The following CPPED1 variants were observed in gnomAD, a reference collection of about 807,000 sequenced individuals.
CPPED1 encodes calcineurin like phosphoesterase domain containing 1.
CPPED1 carries 28 observed loss-of-function variants against 28.0 expected under a neutral mutation model. The ratio of observed to expected loss-of-function variants is 1.00; its 90% CI spans 0.74 to 1.37. The LOEUF (loss-of-function observed/expected upper bound fraction) is 1.37, where lower values mean the gene tolerates loss of function less well. CPPED1 is among the 40% of genes most tolerant of loss of function. The pLI, the probability that CPPED1 is intolerant of heterozygous loss-of-function variation, is 0.00. For missense variants in CPPED1, 504 were observed against 416.5 expected (o/e 1.21, Z -1.83); for synonymous variants, 198 against 180.2 (o/e 1.10, Z -0.79).
chr16:12,792,640 T>C (rs888709606), intron 1 of CPPED1, among the ~76,000 whole-genome samples: 1 of 152,170 alleles, frequency 6.6e-6, no homozygotes, highest in Non-Finnish European at 1.5e-5. Context: ...CCACATGTCA[T>C]GGGAAGGACC....
At chr16:12,801,776 T>G (rs2080661259) in intron 1 of CPPED1, among the ~76,000 whole-genome samples, 1 of 151,984 alleles carries the variant, frequency 6.6e-6, no homozygotes. Flanking sequence ...TTAAAAAGGG[T>G]TTAAAAAGGG....
intron 2 of CPPED1, among the ~76,000 whole-genome samples, chr16:12,756,028 G>A (rs552024002): frequency 3.9e-5 from 6 of 152,220 alleles, no homozygotes; most frequent in Admixed American, 3.3e-4. Flanking sequence ...CTACTCGGGA[G>A]GCTGAGGCAG....
At chr16:12,751,307 A>G (rs2080327027) in intron 2 of CPPED1, among the ~76,000 whole-genome samples, 1 of 152,224 alleles carries the variant, frequency 6.6e-6, no homozygotes, top group Non-Finnish European at 1.5e-5. Flanking sequence ...TACTCCAGTA[A>G]ACACACAAAT....
At chr16:12,705,523 C>T (rs1359079133) in intron 2 of CPPED1, among the ~76,000 whole-genome samples, 6 of 152,074 alleles carry the variant, frequency 3.9e-5, no homozygotes, top group South Asian at 2.1e-4. Flanking sequence ...TTAGGGAGGC[C>T]GAGGCACGTG....
chr16:12,760,047 G>A (rs1303096580), intron 2 of CPPED1, among the ~76,000 whole-genome samples: 1 of 152,200 alleles, frequency 6.6e-6, no homozygotes, highest in African/African-American at 2.4e-5. Flanking sequence ...TTCCACGTCT[G>A]TGGATTCAAC....
chr16:12,688,131 G>C (rs11646236), intron 3 of CPPED1, among the ~76,000 whole-genome samples: 1 of 151,392 alleles, frequency 6.6e-6, no homozygotes, highest in African/African-American at 2.4e-5. Context: ...CCCAGGCTCA[G>C]GTGGTTCTCC....
intron 1 of CPPED1, among the ~76,000 whole-genome samples, chr16:12,782,954 T>A (rs748710014): frequency 2.6e-5 from 4 of 152,210 alleles, no homozygotes; most frequent in Non-Finnish European, 5.9e-5. Flanking sequence ...GATGCTGTAA[T>A]TTCCAAAAAG....
At chr16:12,742,160 T>C (rs528081344) in intron 2 of CPPED1, among the ~76,000 whole-genome samples, 3 of 152,308 alleles carry the variant, frequency 2.0e-5, no homozygotes, top group Admixed American at 6.5e-5. Context: ...GAAATGACCA[T>C]GATACTCAGA....
chr16:12,789,796 G>C (rs1056291499), intron 1 of CPPED1, among the ~76,000 whole-genome samples: 1 of 152,132 alleles, frequency 6.6e-6, no homozygotes, highest in Non-Finnish European at 1.5e-5. Context: ...CAAGGTGCTA[G>C]GATTACAGCC....
At chr16:12,669,871 G>C (rs1204904271) in intron 3 of CPPED1, among the ~76,000 whole-genome samples, 3 of 152,174 alleles carry the variant, frequency 2.0e-5, no homozygotes, top group African/African-American at 7.2e-5. Flanking sequence ...GTGGTGCTCA[G>C]AAACAAAAAC....
chr16:12,773,863 C>A lies in CPPED1; in HGVS notation c.289+7322G>T, dbSNP rs546347574. On this transcript the variant is annotated intron_variant, in intron 2 of 3. Transcript: ENST00000381774. ...AATTTACATGCTACCAGTAAACAAT[C>A]ATTTTGTTACACCTATTCACACCTA... 1.6e-3 allele frequency among the ~76,000 whole-genome samples: 249 copies of A among 152,330 alleles called. 1 individual carries two copies. The highest frequency in any genetic ancestry group is 5.7e-3 in the African/African-American group (236 of 41,582).
intron 1 of CPPED1, among the ~76,000 whole-genome samples, chr16:12,790,221 C>T (rs1344391105): frequency 5.9e-5 from 9 of 152,206 alleles, no homozygotes; most frequent in Non-Finnish European, 1.2e-4. Flanking sequence ...TGCAATTGCT[C>T]TTTACCGCTG....
chr16:12,669,403 C>T (rs1213483444), intron 3 of CPPED1, among the ~76,000 whole-genome samples: 5 of 152,026 alleles, frequency 3.3e-5, no homozygotes, highest in East Asian at 3.9e-4. Flanking sequence ...AATTAGATCA[C>T]GGTGATACTT....
Position 12,709,022 on chromosome 16 carries a change from G to A in CPPED1, c.290-3973C>T, listed in dbSNP as rs2080066067. Among the ~76,000 whole-genome samples, 1 of 152,246 alleles carries A rather than the reference G, an allele frequency of 6.6e-6. No homozygotes were observed. The highest frequency in any genetic ancestry group is 2.4e-5 in the African/African-American group (1 of 41,468). On this transcript the variant is annotated intron_variant, in intron 2 of 3. Transcript: ENST00000381774. The surrounding 1 kb of genome is among the most constrained non-coding windows in gnomAD (Gnocchi z 4.4). ...TTGAACCCGGGAGGCAGAGGTTGCAGTGAGCCAATATCGCACTATTGCATT... is the reference window on the plus strand; with the variant it reads ...TTGAACCCGGGAGGCAGAGGTTGCAATGAGCCAATATCGCACTATTGCATT...
At chr16:12,706,255 C>A (rs1392408456) in intron 2 of CPPED1, among the ~76,000 whole-genome samples, 2 of 151,792 alleles carry the variant, frequency 1.3e-5, no homozygotes, top group East Asian at 3.9e-4. Flanking sequence ...GATAAAATGT[C>A]CCCCAAGATT....
intron 3 of CPPED1, among the ~76,000 whole-genome samples, chr16:12,697,217 G>C (rs956785538): frequency 6.8e-4 from 103 of 152,108 alleles, no homozygotes; most frequent in African/African-American, 2.4e-3. Context: ...TAGAGATGGG[G>C]TTTCTCCATG....
At chr16:12,684,411 T>C (rs2079922104) in intron 3 of CPPED1, among the ~76,000 whole-genome samples, 1 of 152,158 alleles carries the variant, frequency 6.6e-6, no homozygotes, top group Non-Finnish European at 1.5e-5. Context: ...GGGTTCTCCA[T>C]CACCTTAGGA....
At chr16:12,720,160 CT>C (rs1442658088) in intron 2 of CPPED1, among the ~76,000 whole-genome samples, 1 of 152,150 alleles carries the variant, frequency 6.6e-6, no homozygotes, top group Non-Finnish European at 1.5e-5. Context: ...GAGAGATACG[CT>C]CTTGGTTTGG....
intron 3 of CPPED1, 50 bp downstream of exon 3, chr16:12,704,574 C>T: frequency 5.2e-6 from 8 of 1,530,650 alleles, no homozygotes; most frequent in Non-Finnish European, 7.1e-6. Flanking sequence ...TGGAAATGCC[C>T]TCTCTAGACT....
Sources: allele counts gnomAD v4.1 joint callset (sites outside exome capture counted in the v4.1 genomes callset), GRCh38; gene constraint gnomAD v4.1.1; non-coding constraint Gnocchi (gnomAD v3.1); transcripts MANE v1.5; gene names NCBI Gene and HGNC (gene_info 2026-07-23, HGNC 2026-07-21).